The following CA10 variants were observed in gnomAD, a reference collection of about 807,000 sequenced individuals.
CA10 encodes carbonic anhydrase 10 (inactive).
CA10 carries 14 observed loss-of-function variants against 44.2 expected under a neutral mutation model. That is an observed-to-expected ratio of 0.32 (90% CI 0.21 to 0.50). The LOEUF (loss-of-function observed/expected upper bound fraction) is 0.50. Among genes scored for constraint, CA10 ranks in the 20% least tolerant of loss-of-function variants. The pLI is 0.99. For synonymous variants in CA10, 159 were observed against 141.6 expected (o/e 1.12, Z -0.87); for missense variants, 350 against 409.7 (o/e 0.85, Z 1.26).
chr17:51,884,346 C>T (rs373612978), intron 3 of CA10, among the ~76,000 whole-genome samples: 1 of 152,182 alleles, frequency 6.6e-6, no homozygotes, highest in Non-Finnish European at 1.5e-5. Flanking sequence ...AAAATCCTTG[C>T]AATCCCTCTC....
At chr17:52,094,190 T>C (rs1988344010) in intron 1 of CA10, among the ~76,000 whole-genome samples, 1 of 151,990 alleles carries the variant, frequency 6.6e-6, no homozygotes, top group South Asian at 2.1e-4. Flanking sequence ...ATACCTAATG[T>C]AGGTGACGAG....
chr17:51,847,835 C>T (rs1978564938), intron 3 of CA10, among the ~76,000 whole-genome samples: 1 of 152,194 alleles, frequency 6.6e-6, no homozygotes, highest in African/African-American at 2.4e-5. Flanking sequence ...TCTGTAACAA[C>T]TCAGGAGTGT....
At chr17:52,075,282 A>T (rs1987788449) in intron 1 of CA10, among the ~76,000 whole-genome samples, 1 of 152,304 alleles carries the variant, frequency 6.6e-6, no homozygotes, top group Non-Finnish European at 1.5e-5. Flanking sequence ...AAGAAGTTGG[A>T]TGCTTAATTA....
intron 6 of CA10, among the ~76,000 whole-genome samples, chr17:51,645,454 A>C (rs1913288528): frequency 6.6e-6 from 1 of 152,160 alleles, no homozygotes; most frequent in Non-Finnish European, 1.5e-5. Context: ...TTTCCACTGG[A>C]GGTACCATGT....
intron 2 of CA10, among the ~76,000 whole-genome samples, chr17:52,048,119 T>G (rs1986964802): frequency 6.6e-6 from 1 of 151,840 alleles, no homozygotes. Context: ...AGAGCCAAAC[T>G]GGGGGAAAAA....
At chr17:51,704,890 G>C (rs535462807) in intron 4 of CA10, among the ~76,000 whole-genome samples, 1 of 151,928 alleles carries the variant, frequency 6.6e-6, no homozygotes, top group East Asian at 1.9e-4. Context: ...TTGAAGCTGG[G>C]AGGTGGAGGT....
intron 3 of CA10, among the ~76,000 whole-genome samples, chr17:51,834,514 T>G (rs774662254): frequency 2.0e-5 from 3 of 152,218 alleles, no homozygotes; most frequent in Non-Finnish European, 4.4e-5. Flanking sequence ...GAGCCACTAA[T>G]GTTCCACTTT....
chr17:51,817,766 G>A (rs747472471), intron 3 of CA10, among the ~76,000 whole-genome samples: 4 of 152,062 alleles, frequency 2.6e-5, no homozygotes, highest in Admixed American at 6.6e-5. Flanking sequence ...CCTTCATATC[G>A]GTAGGTAGCA....
chr17:52,148,768 ACT>A (rs1989642687), intron 1 of CA10, among the ~76,000 whole-genome samples: 1 of 152,072 alleles, frequency 6.6e-6, no homozygotes, highest in South Asian at 2.1e-4. Flanking sequence ...GAAAAAAAAC[ACT>A]CACACATTTG....
At chr17:51,858,374 C>T (rs576559229) in intron 3 of CA10, among the ~76,000 whole-genome samples, 37 of 152,074 alleles carry the variant, frequency 2.4e-4, no homozygotes, top group African/African-American at 8.4e-4. Context: ...AAAATGTGCC[C>T]GTGCAGAGAC....
intron 1 of CA10, among the ~76,000 whole-genome samples, chr17:52,081,080 A>G (rs1326948306): frequency 6.6e-6 from 1 of 152,168 alleles, no homozygotes; most frequent in Non-Finnish European, 1.5e-5. Flanking sequence ...TTTTGTGTAA[A>G]CCTAATACAT....
chr17:51,786,856 C>G (rs1426829857), intron 3 of CA10, among the ~76,000 whole-genome samples: 2 of 151,338 alleles, frequency 1.3e-5, no homozygotes, highest in Admixed American at 1.3e-4. Context: ...TCTTTCTATA[C>G]CTAGTTTTTT....
chr17:51,655,367 T>C (rs1427265830), intron 4 of CA10, among the ~76,000 whole-genome samples: 4 of 152,242 alleles, frequency 2.6e-5, no homozygotes, highest in African/African-American at 9.6e-5. Context: ...AGATAGTGCA[T>C]GTAGAAGTGA....
At chr17:51,899,914 TGAG>T (rs1452044838) in intron 3 of CA10, among the ~76,000 whole-genome samples, 6 of 150,902 alleles carry the variant, frequency 4.0e-5, no homozygotes, top group Non-Finnish European at 7.4e-5. Flanking sequence ...CCCTTTACTT[TGAG>T]ACTATGGGTG....
intron 1 of CA10, among the ~76,000 whole-genome samples, chr17:52,105,490 C>T (rs1361825182): frequency 6.6e-6 from 1 of 152,178 alleles, no homozygotes; most frequent in Non-Finnish European, 1.5e-5. Flanking sequence ...CTCCTGACCT[C>T]GTGATCTGCC....
In CA10 at chr17:52,158,204, T is replaced by C. The variant is rs1260505408; in HGVS notation, c.-418A>G. 3.3e-6 allele frequency: 1 copy of C among 302,434 alleles called. No homozygotes were observed. 18.7% of individuals were successfully genotyped at this position (302,434 alleles called of 1,614,324 possible). A position where few individuals can be genotyped will look rare whatever the true frequency, so the allele number is the denominator to read the frequency against. ...ATTCGTCTGGCGCCCCAAGAAGACA[T>C]AGACGATAGCCCCCCGCCGGGCTGC... On this transcript the variant is annotated 5_prime_UTR_variant, in exon 1 of 9. It removes an upstream start codon present in the reference 5' UTR. Transcript: ENST00000451037.
At chr17:51,662,154 C>T (rs1337622578) in intron 4 of CA10, among the ~76,000 whole-genome samples, 1 of 152,142 alleles carries the variant, frequency 6.6e-6, no homozygotes, top group Non-Finnish European at 1.5e-5. Context: ...TTAAGCTCTC[C>T]CTTTCCTTTA....
At chr17:51,863,633 G>A (rs1204201681) in intron 3 of CA10, among the ~76,000 whole-genome samples, 1 of 152,172 alleles carries the variant, frequency 6.6e-6, no homozygotes, top group Non-Finnish European at 1.5e-5. Flanking sequence ...CACTTTTGAT[G>A]AGCTGGATAC....
chr17:52,007,416 A>G (rs968891546), intron 2 of CA10, among the ~76,000 whole-genome samples: 1 of 151,558 alleles, frequency 6.6e-6, no homozygotes, highest in Non-Finnish European at 1.5e-5. Context: ...TTTGATCCTT[A>G]GGTCGATAAG....
Sources: gnomAD v4.1 joint callset for allele counts (sites outside exome capture counted in the v4.1 genomes callset) on GRCh38, gnomAD v4.1.1 for gene constraint, MANE v1.5 for transcripts, NCBI Gene and HGNC (gene_info 2026-07-23, HGNC 2026-07-21) for gene names.